The following GLIS3 variants were observed in gnomAD, a reference collection of about 807,000 sequenced individuals.
The protein encoded by GLIS3 is GLIS family zinc finger 3, also known as zinc finger protein GLIS3.
GLIS3 carries 53 observed loss-of-function variants against 78.6 expected under a neutral mutation model. The ratio of observed to expected loss-of-function variants is 0.67; its 90% CI spans 0.54 to 0.85. GLIS3 has a LOEUF of 0.85. GLIS3 is among the 40% of genes least tolerant of loss of function. The probability of loss-of-function intolerance (pLI) is 0.00; values close to 1 mark genes in which losing one functional copy is unlikely to be tolerated. For missense variants in GLIS3, 1,703 were observed against 1,231.1 expected, an observed-to-expected ratio of 1.38 and a Z score of -5.74; for synonymous variants, 684 against 509.9, an observed-to-expected ratio of 1.34 and a Z score of -4.60.
At chr9:3,843,388 T>C (rs145533809) in intron 9 of GLIS3, among the ~76,000 whole-genome samples, 34 of 152,300 alleles carry the variant, frequency 2.2e-4, no homozygotes, top group Admixed American at 2.2e-3. Flanking sequence ...ACCTACTCTC[T>C]GGAACATTAT....
At chr9:4,011,961 G>A (rs1232843367) in intron 4 of GLIS3, among the ~76,000 whole-genome samples, 1 of 152,096 alleles carries the variant, frequency 6.6e-6, no homozygotes, top group Non-Finnish European at 1.5e-5. Flanking sequence ...GGCATCAGAA[G>A]TCAGAAAGGT....
rs190778152 is a variant in GLIS3 at position 4,328,587 on chromosome 9, C to T, written n.265-18059G>A. Among the ~76,000 whole-genome samples the T allele has an allele frequency of 3.3e-5, 5 of 152,352 alleles. No homozygotes were observed. In the East Asian group the frequency reaches 7.7e-4, roughly 24 times the overall value. On this transcript the variant is annotated intron_variant and non_coding_transcript_variant, in intron 2 of 4. Transcript: ENST00000471664. Reference sequence around the variant, plus strand: ...CAGAATCCCAAGAAAGATAAAGCTCCTGACTTCTGAACCAAATCATGATTA... The same window carrying T: ...CAGAATCCCAAGAAAGATAAAGCTCTTGACTTCTGAACCAAATCATGATTA...
intron 4 of GLIS3, among the ~76,000 whole-genome samples, chr9:3,999,016 T>TA (rs202087703): frequency 0.014 from 2,191 of 151,962 alleles, 68 homozygotes; most frequent in African/African-American, 0.05. Context: ...TTTCTTTCTA[T>TA]AAAAAAAGGT....
intron 1 of GLIS3, among the ~76,000 whole-genome samples, chr9:4,297,610 C>A (rs1305797795): frequency 6.6e-6 from 1 of 152,170 alleles, no homozygotes; most frequent in East Asian, 1.9e-4. Context: ...CTTTGTGAAA[C>A]GGGGCCGCGA....
At chr9:4,237,484 C>T (rs577151450) in intron 2 of GLIS3, among the ~76,000 whole-genome samples, 71 of 152,336 alleles carry the variant, frequency 4.7e-4, no homozygotes, top group Middle Eastern at 3.4e-3. Context: ...GAAATCGCTA[C>T]TTCAGGCTCA....
At chr9:3,828,541 A>G (rs554770852) in intron 10 of GLIS3, 133 bp from the exon 11 acceptor site, 4 of 1,124,466 alleles carry the variant, frequency 3.6e-6, no homozygotes, top group Non-Finnish European at 5.2e-6. Context: ...CCTGGGCCCT[A>G]TAGTGAGTCT....
chr9:4,324,266 G>C (rs990471168), intron 2 of GLIS3, among the ~76,000 whole-genome samples: 1 of 152,162 alleles, frequency 6.6e-6, no homozygotes, highest in Non-Finnish European at 1.5e-5. Flanking sequence ...TCACTTCATA[G>C]TGAGGCTGAG....
chr9:4,440,632 G>C, the GLIS3 span, among the ~76,000 whole-genome samples: 2 of 152,106 alleles, frequency 1.3e-5, no homozygotes. Flanking sequence ...GGTCAGAATT[G>C]CTTTGACTAT....
the GLIS3 span, among the ~76,000 whole-genome samples, chr9:4,379,939 C>T: frequency 4.6e-5 from 7 of 150,676 alleles, no homozygotes; most frequent in South Asian, 1.5e-3. Flanking sequence ...AAAAGGAGGT[C>T]TGTCTTAGAG....
At chr9:4,366,913 C>G in the GLIS3 span, among the ~76,000 whole-genome samples, 3 of 152,072 alleles carry the variant, frequency 2.0e-5, no homozygotes, top group Non-Finnish European at 4.4e-5. Context: ...AGACCACTAG[C>G]TCCCTCTTGT....
chr9:4,252,766 G>A (rs1050699220), intron 2 of GLIS3, among the ~76,000 whole-genome samples: 2 of 152,156 alleles, frequency 1.3e-5, no homozygotes, highest in African/African-American at 2.4e-5. Context: ...TTTGGTCTTT[G>A]ATGTTGGTGA....
intron 4 of GLIS3, among the ~76,000 whole-genome samples, chr9:3,944,896 G>T (rs1443505063): frequency 6.6e-6 from 1 of 152,206 alleles, no homozygotes; most frequent in Non-Finnish European, 1.5e-5. Context: ...TCGTATCATG[G>T]CAGAGAAGCC....
At chr9:4,052,316 A>AT (rs886566719) in intron 4 of GLIS3, among the ~76,000 whole-genome samples, 7 of 151,758 alleles carry the variant, frequency 4.6e-5, no homozygotes, top group East Asian at 1.9e-4. Flanking sequence ...AATTGGTTTA[A>AT]TTTTTTTTTG....
At chr9:4,174,499 G>T (rs552928011) in intron 2 of GLIS3, among the ~76,000 whole-genome samples, 1 of 152,138 alleles carries the variant, frequency 6.6e-6, no homozygotes, top group Non-Finnish European at 1.5e-5. Context: ...GTTCTAAAAT[G>T]ATATCTTAGG....
At chr9:4,364,426 G>A in the GLIS3 span, among the ~76,000 whole-genome samples, 1 of 151,966 alleles carries the variant, frequency 6.6e-6, no homozygotes, top group Non-Finnish European at 1.5e-5. Context: ...TAGGAAATTG[G>A]TTAAATTGCT....
chr9:3,837,144 G>C (rs529608390), intron 9 of GLIS3, among the ~76,000 whole-genome samples: 4 of 152,272 alleles, frequency 2.6e-5, no homozygotes, highest in African/African-American at 9.6e-5. Flanking sequence ...ACCTACGACA[G>C]GTCTGAAAAG....
chr9:3,972,331 C>T (rs576922759), intron 4 of GLIS3, among the ~76,000 whole-genome samples: 1 of 152,232 alleles, frequency 6.6e-6, no homozygotes, highest in South Asian at 2.1e-4. Context: ...TTCAAACGTC[C>T]CTCATTCTAT....
intron 4 of GLIS3, among the ~76,000 whole-genome samples, chr9:3,959,273 T>C (rs1017069391): frequency 6.6e-6 from 1 of 152,192 alleles, no homozygotes; most frequent in Non-Finnish European, 1.5e-5. Flanking sequence ...GTGGGTGCTG[T>C]CCATCAGCCA....
chr9:4,289,469 T>C (rs1229723839), intron 1 of GLIS3, among the ~76,000 whole-genome samples: 6 of 152,104 alleles, frequency 3.9e-5, no homozygotes, highest in Non-Finnish European at 8.8e-5. Flanking sequence ...ATACTAACCA[T>C]GAACAACAAA....
Sources: allele counts gnomAD v4.1 joint callset (sites outside exome capture counted in the v4.1 genomes callset), GRCh38; gene constraint gnomAD v4.1.1; transcripts MANE v1.5; gene names NCBI Gene and HGNC (gene_info 2026-07-23, HGNC 2026-07-21).